The following GAREM2 variants were observed in gnomAD, a reference collection of about 807,000 sequenced individuals.
GAREM2 encodes the protein GRB2 associated regulator of MAPK1 subtype 2.
In GAREM2, 30 loss-of-function variants were observed where a neutral mutation model predicts 55.6. The ratio of observed to expected loss-of-function variants is 0.54; its 90% CI spans 0.40 to 0.73. The LOEUF (loss-of-function observed/expected upper bound fraction) is 0.73. Ranked by LOEUF, GAREM2 falls within the 30% of genes least tolerant of loss-of-function variation. GAREM2 has a pLI of 0.00. For missense variants in GAREM2, 1,075 were observed against 1,257.7 expected (o/e 0.85, Z 2.20); for synonymous variants, 550 against 569.1 (o/e 0.97, Z 0.48).
the GAREM2 span, among the ~76,000 whole-genome samples, chr2:26,198,870 T>C: frequency 6.6e-6 from 1 of 151,488 alleles, no homozygotes; most frequent in African/African-American, 2.4e-5. Flanking sequence ...GGCATCATAG[T>C]GAGACCCTAT....
At position 26,184,681 on chromosome 2, in the gene GAREM2, A is replaced by T; in HGVS notation, c.833A>T (p.Tyr278Phe). 7 of 1,542,250 alleles carry T rather than the reference A, an allele frequency of 4.5e-6. No individual in the cohort carries two copies. The highest frequency in any genetic ancestry group is 6.1e-6 in the Non-Finnish European group (7 of 1,143,960). The change falls in exon 4 of 6, where the codon TAC (tyrosine) becomes TTC (phenylalanine). Residue 278 changes from tyrosine to phenylalanine, a missense_variant. Physicochemically the swap from Tyr to Phe is conservative, Grantham distance 22. Transcript: ENST00000401533. The stretch of plus-strand genomic sequence containing the variant: ...CCCAGCCGGCCGCCGCGCAACCCCT[A>T]CGACCTGCACCCGGTGCGGGAGGGT... Reference protein sequence around the residue: ...LVPSRPPRNPYDLHPVREGHC... With the variant: ...LVPSRPPRNPFDLHPVREGHC...
chr2:26,187,303 G>T lies in GAREM2; in HGVS notation c.1671G>T (p.Trp557Cys). The T allele has an allele frequency of 3.3e-6, 5 of 1,515,444 alleles. No homozygotes were observed. The highest frequency in any genetic ancestry group is 4.4e-6 in the Non-Finnish European group (5 of 1,128,792). 93.9% of individuals were successfully genotyped at this position (1,515,444 alleles called of 1,614,324 possible). Reference protein sequence around the residue: ...TYSLYCYPCTWGDCKVGESSS... With the variant: ...TYSLYCYPCTCGDCKVGESSS... The stretch of plus-strand genomic sequence containing the variant: ...CCCTCTATTGCTACCCATGCACCTG[G>T]GGAGACTGCAAGGTGGGCGAGTCCT... The change falls in exon 6 of 6, where the codon TGG becomes TGT. Residue 557 changes from tryptophan (W) to cysteine (C), a missense_variant. By Grantham distance (215) the Trp-to-Cys change is radical. Coordinates refer to ENST00000401533, the MANE Select transcript of GAREM2 (RefSeq NM_001168241.2).
intron 2 of GAREM2, among the ~76,000 whole-genome samples, chr2:26,180,199 G>A (rs1224954629): frequency 1.3e-5 from 2 of 152,224 alleles, no homozygotes; most frequent in African/African-American, 4.8e-5. Context: ...TCCCTGCTCC[G>A]TGATGATGCT....
chr2:26,195,129 A>G, the GAREM2 span: 20 of 1,612,640 alleles, frequency 1.2e-5, no homozygotes, highest in African/African-American at 9.4e-5. Flanking sequence ...CTTGAGACCA[A>G]CTGCTACAGC....
Position 26,176,401 on chromosome 2 carries a change from A to T in GAREM2, c.170A>T (p.Gln57Leu). The change falls in exon 2 of 6, where the codon CAG becomes CTG. Residue 57 changes from glutamine to leucine, a missense_variant. Around this residue, in one of 6 missense-constraint regions of GAREM2, gnomAD observed 230 missense variants for 310.6 expected, o/e 0.74. Coordinates refer to ENST00000401533, the MANE Select transcript of GAREM2 (RefSeq NM_001168241.2). The stretch of plus-strand genomic sequence containing the variant: ...ATCCTGCTCATCCACTCCTGCCGGC[A>T]GTGGACAACGGTGACAGCTCATACC... ...RDILLIHSCRQWTTVTAHTLE... is the reference protein window; with the variant it reads ...RDILLIHSCRLWTTVTAHTLE... 6.4e-7 allele frequency: 1 copy of T among 1,550,768 alleles called. No individual in the cohort carries two copies. The highest frequency in any genetic ancestry group is 8.7e-7 in the Non-Finnish European group (1 of 1,146,466).
In GAREM2 at chr2:26,184,676, C is replaced by T. The variant is rs1351510168; in HGVS notation, c.828C>T (p.Asn276=). 6.5e-7 allele frequency: 1 copy of T among 1,543,066 alleles called. No individual in the cohort carries two copies. Among genetic ancestry groups the T allele is most frequent in the Non-Finnish European group, 8.7e-7 (1 of 1,144,170 alleles). The change falls in exon 4 of 6, where the codon AAC becomes AAT. Residue 276 remains asparagine (N), a synonymous_variant. Coordinates refer to ENST00000401533, the MANE Select transcript of GAREM2 (RefSeq NM_001168241.2). Reference sequence around the variant, plus strand: ...TGGTGCCCAGCCGGCCGCCGCGCAACCCCTACGACCTGCACCCGGTGCGGG... The same window carrying T: ...TGGTGCCCAGCCGGCCGCCGCGCAATCCCTACGACCTGCACCCGGTGCGGG... The part of the protein sequence containing the change: ...NVLVPSRPPR[N]PYDLHPVREG...
chr2:26,193,425 G>T, downstream of GAREM2: 1 of 761,848 alleles, frequency 1.3e-6, no homozygotes, highest in African/African-American at 1.7e-5. Flanking sequence ...TACCGCACCT[G>T]ACTCATAAAA....
intron 4 of GAREM2, 33 bp downstream of exon 4, chr2:26,185,309 T>G: frequency 6.8e-7 from 1 of 1,480,544 alleles, no homozygotes; most frequent in Non-Finnish European, 8.9e-7. Context: ...GAGTCCCGGG[T>G]CCAGCCAGGG....
intron 3 of GAREM2, 148 bp from the exon 4 acceptor site, chr2:26,184,085 T>A: frequency 4.9e-6 from 6 of 1,222,062 alleles, no homozygotes; most frequent in Non-Finnish European, 6.8e-6. Context: ...CTCTCCAGGA[T>A]GAACGTGGAT....
At chr2:26,189,787 T>C (rs1204927415), downstream of GAREM2, 1 of 152,292 alleles carries the variant, frequency 6.6e-6, no homozygotes. Context: ...GCCATTCCCA[T>C]GTCTGTGGAG....
At chr2:26,193,095 T>C (rs1445355714), downstream of GAREM2, among the ~76,000 whole-genome samples, 1 of 152,052 alleles carries the variant, frequency 6.6e-6, no homozygotes, top group African/African-American at 2.4e-5. Flanking sequence ...TACATTCTCC[T>C]CACAGGTGGC....
the GAREM2 span, chr2:26,201,467 G>A: frequency 1.6e-6 from 1 of 636,228 alleles, no homozygotes; most frequent in Non-Finnish European, 2.8e-6. Context: ...CTTTCAAGTT[G>A]TTTAGTCTTA....
chr2:26,203,957 T>C, the GAREM2 span: 4 of 1,103,612 alleles, frequency 3.6e-6, no homozygotes, highest in African/African-American at 1.5e-5. Context: ...GAATCCGTGA[T>C]GGCAAGAACA....
chr2:26,175,100 C>G (rs1668819778), intron 1 of GAREM2, among the ~76,000 whole-genome samples: 1 of 152,192 alleles, frequency 6.6e-6, no homozygotes, highest in African/African-American at 2.4e-5. Flanking sequence ...CACATACACA[C>G]ACACGCCTAC....
At position 26,179,342 on chromosome 2, in the gene GAREM2, C is replaced by T. The variant is rs1668969947; in HGVS notation, c.253+2858C>T. 6.6e-6 allele frequency among the ~76,000 whole-genome samples: 1 copy of T among 152,234 alleles called. No individual in the cohort carries two copies. Among genetic ancestry groups the T allele is most frequent in the South Asian group, 2.1e-4 (1 of 4,834 alleles). ...TGTTTCCATTTTACAGACGGGAAAT[C>T]CGAAGCCCAGAGAGATTAAATAATT... On this transcript the variant is annotated intron_variant, in intron 2 of 5. Coordinates refer to ENST00000401533, the MANE Select transcript of GAREM2 (RefSeq NM_001168241.2). This position sits in a 1 kb window ranked among gnomAD's most constrained non-coding sequence, Gnocchi z 4.7.
rs1180241805 is a variant in GAREM2, at chr2:26,179,419, G to A, written c.253+2935G>A. On this transcript the variant is annotated intron_variant, in intron 2 of 5. Coordinates refer to ENST00000401533, the MANE Select transcript of GAREM2 (RefSeq NM_001168241.2). The surrounding 1 kb of genome is among the most constrained non-coding windows in gnomAD (Gnocchi z 4.7). ...GGCAGGGTGGGATTCAGCCAGATTTGTCGCACTCCAAAGCCTGAGCTTTTA... is the reference window on the plus strand; with the variant it reads ...GGCAGGGTGGGATTCAGCCAGATTTATCGCACTCCAAAGCCTGAGCTTTTA... Among the ~76,000 whole-genome samples the A allele has an allele frequency of 6.6e-6, 1 of 152,174 alleles. No individual in the cohort carries two copies. The highest frequency in any genetic ancestry group is 1.5e-5 in the Non-Finnish European group (1 of 68,038).
At chr2:26,196,432 TTGAAG>T in the GAREM2 span, among the ~76,000 whole-genome samples, 1 of 152,258 alleles carries the variant, frequency 6.6e-6, no homozygotes, top group African/African-American at 2.4e-5. Flanking sequence ...TGCACAGATC[TTGAAG>T]TGTTCACATC....
intron 2 of GAREM2, among the ~76,000 whole-genome samples, chr2:26,176,975 G>C (rs186924903): frequency 2.0e-5 from 3 of 152,300 alleles, no homozygotes; most frequent in Admixed American, 6.5e-5. Flanking sequence ...GTTTCCATTG[G>C]TTGACTTTAT....
At chr2:26,202,931 T>C in the GAREM2 span, among the ~76,000 whole-genome samples, 1 of 152,222 alleles carries the variant, frequency 6.6e-6, no homozygotes, top group Non-Finnish European at 1.5e-5. Context: ...AGCAGTGTGG[T>C]GAGCGGCACT....
Sources: allele counts gnomAD v4.1 joint callset (sites outside exome capture counted in the v4.1 genomes callset), GRCh38; gene constraint gnomAD v4.1.1; regional missense constraint gnomAD v4.1.1; non-coding constraint Gnocchi (gnomAD v3.1); transcripts MANE v1.5; gene names NCBI Gene and HGNC (gene_info 2026-07-23, HGNC 2026-07-21).